Variants in TBXAS1 observed in about 807,000 individuals in gnomAD.
TBXAS1 encodes the protein thromboxane-A synthase.
In TBXAS1, 48 loss-of-function variants were observed where a neutral mutation model predicts 60.7. That is an observed-to-expected ratio of 0.79 (90% CI 0.63 to 1.01). The LOEUF (loss-of-function observed/expected upper bound fraction) is 1.01. Ranked by LOEUF, TBXAS1 falls within the 50% of genes least tolerant of loss-of-function variation. The pLI, the probability that TBXAS1 is intolerant of heterozygous loss-of-function variation, is 0.00. For synonymous variants in TBXAS1, 287 were observed against 269.7 expected, an observed-to-expected ratio of 1.06 and a Z score of -0.63; for missense variants, 685 against 686.3, an observed-to-expected ratio of 1.00 and a Z score of 0.02.
chr7:139,975,362 G>A lies in TBXAS1; in HGVS notation c.1134+13129G>A, dbSNP rs955775113. 1.3e-5 allele frequency among the ~76,000 whole-genome samples: 2 copies of A among 152,164 alleles called. No homozygotes were observed. Among genetic ancestry groups the A allele is most frequent in the Non-Finnish European group, 2.9e-5 (2 of 68,036 alleles). On this transcript the variant is annotated intron_variant, in intron 9 of 12. Coordinates refer to ENST00000448866, the MANE Select transcript of TBXAS1 (RefSeq NM_001061.7). The surrounding 1 kb of genome is among the most constrained non-coding windows in gnomAD (Gnocchi z 4.4). The stretch of plus-strand genomic sequence containing the variant: ...CTAGGACAGGGCCTAGGTCGGATTG[G>A]CACTCACGTTTCCCGACTCCTTAGT...
chr7:139,872,248 GC>G lies in TBXAS1; in HGVS notation c.104del (p.Ala35AspfsTer8), dbSNP rs1569505116. 1 of 1,613,950 alleles carries G rather than the reference GC, an allele frequency of 6.2e-7. No homozygotes were observed. The highest frequency in any genetic ancestry group is 2.2e-5 in the East Asian group (1 of 44,866). On this transcript the variant is annotated frameshift_variant, in exon 2 of 13. Coordinates refer to ENST00000448866, the MANE Select transcript of TBXAS1 (RefSeq NM_001061.7). LOFTEE classifies it high-confidence loss of function. ...TTTTCCCTCCAGGTACTCCACATCAGCATTCTCAAGACTGGAGAAGTTAGGC... is the reference window on the plus strand; with the variant it reads ...TTTTCCCTCCAGGTACTCCACATCAGATTCTCAAGACTGGAGAAGTTAGGC... ...LALLKWYSTS[A>X]FSRLEKLGLR...
At chr7:139,974,928 G>A (rs1030318765) in intron 9 of TBXAS1, among the ~76,000 whole-genome samples, 1 of 152,210 alleles carries the variant, frequency 6.6e-6, no homozygotes, top group Admixed American at 6.5e-5. Flanking sequence ...GGATTAGTCA[G>A]GGATCTCCAG....
At chr7:139,829,786 T>G (rs538175147) in intron 1 of TBXAS1, among the ~76,000 whole-genome samples, 1 of 152,328 alleles carries the variant, frequency 6.6e-6, no homozygotes, top group South Asian at 2.1e-4. Context: ...AGCATTTCCT[T>G]GAACCCCGTC....
At chr7:139,986,157 T>G (rs1236334194) in intron 9 of TBXAS1, among the ~76,000 whole-genome samples, 1 of 152,220 alleles carries the variant, frequency 6.6e-6, no homozygotes, top group Non-Finnish European at 1.5e-5. Flanking sequence ...GAATGTTTGT[T>G]GAGTTCTCTC....
chr7:139,817,108 A>C (rs921072900), intron 4 of TBXAS1, among the ~76,000 whole-genome samples: 1 of 151,684 alleles, frequency 6.6e-6, no homozygotes, highest in South Asian at 2.1e-4. Context: ...ATCCTCCTCC[A>C]CCGATCACTG....
intron 3 of TBXAS1, among the ~76,000 whole-genome samples, chr7:139,887,200 G>A (rs758627462): frequency 3.9e-5 from 6 of 152,134 alleles, no homozygotes; most frequent in African/African-American, 7.2e-5. Flanking sequence ...CCCACTTCTC[G>A]GTTAGATCTA....
intron 3 of TBXAS1, among the ~76,000 whole-genome samples, chr7:139,898,269 C>G: frequency 6.6e-6 from 1 of 152,096 alleles, no homozygotes; most frequent in South Asian, 2.1e-4. Flanking sequence ...CAGCAGCTAC[C>G]CTGTTAGCAT....
At chr7:139,893,228 C>T (rs1803783145) in intron 3 of TBXAS1, among the ~76,000 whole-genome samples, 1 of 151,858 alleles carries the variant, frequency 6.6e-6, no homozygotes, top group East Asian at 1.9e-4. Context: ...TTTTCCCAGA[C>T]CGTGTATTCC....
At chr7:139,978,775 C>CAAAAAAAAAA (rs35583867) in intron 9 of TBXAS1, among the ~76,000 whole-genome samples, 2 of 90,978 alleles carry the variant, frequency 2.2e-5, no homozygotes, top group African/African-American at 4.4e-5. Flanking sequence ...CCTGCCTCTA[C>CAAAAAAAAAA]AAAAAAAAAA....
At chr7:139,909,763 TA>T (rs1805375647) in intron 3 of TBXAS1, among the ~76,000 whole-genome samples, 1 of 152,232 alleles carries the variant, frequency 6.6e-6, no homozygotes, top group Non-Finnish European at 1.5e-5. Flanking sequence ...CTTTCCCCTT[TA>T]AAATCTGTTC....
chr7:139,956,440 C>G (rs1809872307), intron 7 of TBXAS1, among the ~76,000 whole-genome samples: 1 of 152,200 alleles, frequency 6.6e-6, no homozygotes, highest in South Asian at 2.1e-4. Context: ...GCCACCACAC[C>G]AGGACTTATT....
chr7:139,967,166 C>T (rs1006629467), intron 9 of TBXAS1, among the ~76,000 whole-genome samples: 1 of 152,244 alleles, frequency 6.6e-6, no homozygotes, highest in Non-Finnish European at 1.5e-5. Flanking sequence ...CCCCAGTGTC[C>T]GCCCAGCCTA....
chr7:139,954,458 G>A (rs1409881509), intron 6 of TBXAS1, among the ~76,000 whole-genome samples: 1 of 152,212 alleles, frequency 6.6e-6, no homozygotes, highest in African/African-American at 2.4e-5. Flanking sequence ...GCAGGGAAAC[G>A]TGTAATCAGT....
intron 3 of TBXAS1, among the ~76,000 whole-genome samples, chr7:139,891,217 C>T (rs552661909): frequency 1.3e-5 from 2 of 151,468 alleles, no homozygotes; most frequent in African/African-American, 2.4e-5. Context: ...ATGGGCTATC[C>T]ATCTTGCCCT....
chr7:139,912,235 C>G (rs376747427), intron 4 of TBXAS1, among the ~76,000 whole-genome samples: 1 of 151,982 alleles, frequency 6.6e-6, no homozygotes, highest in South Asian at 2.1e-4. Flanking sequence ...GCGACAGAGA[C>G]GCTGTCTCAA....
At chr7:139,909,578 T>C (rs896003951) in intron 3 of TBXAS1, among the ~76,000 whole-genome samples, 1 of 152,218 alleles carries the variant, frequency 6.6e-6, no homozygotes, top group Non-Finnish European at 1.5e-5. Context: ...TTTTGGAAAA[T>C]ACGATGACTC....
At chr7:139,814,274 C>T (rs137988661) in intron 4 of TBXAS1, among the ~76,000 whole-genome samples, 38 of 152,178 alleles carry the variant, frequency 2.5e-4, no homozygotes, top group Non-Finnish European at 1.0e-4. Context: ...TGGTTCCAAC[C>T]CTCACCCTCT....
intron 4 of TBXAS1, among the ~76,000 whole-genome samples, chr7:139,806,761 C>T (rs1797888477): frequency 6.6e-6 from 1 of 152,138 alleles, no homozygotes; most frequent in Non-Finnish European, 1.5e-5. Context: ...TCCTCCCTCT[C>T]ATCTGTCTGC....
At chr7:139,870,493 G>T (rs771800601) in intron 1 of TBXAS1, among the ~76,000 whole-genome samples, 1 of 152,294 alleles carries the variant, frequency 6.6e-6, no homozygotes, top group Middle Eastern at 3.4e-3. Context: ...CCTCTCTGTT[G>T]TAAGGGGAAT....
Sources: allele counts gnomAD v4.1 joint callset (sites outside exome capture counted in the v4.1 genomes callset), GRCh38; gene constraint gnomAD v4.1.1; non-coding constraint Gnocchi (gnomAD v3.1); transcripts MANE v1.5; gene names NCBI Gene and HGNC (gene_info 2026-07-23, HGNC 2026-07-21).